CD302: variants seen among roughly 807,000 people sequenced by gnomAD.
CD302 encodes CD302 molecule, also known as CD302 antigen.
In CD302, 23 loss-of-function variants were observed where a neutral mutation model predicts 26.5. The ratio of observed to expected loss-of-function variants is 0.87; its 90% CI spans 0.62 to 1.23. CD302 has a LOEUF of 1.23. Ranked by LOEUF, CD302 falls within the 50% of genes most tolerant of loss-of-function variation. CD302 has a pLI of 0.00. For synonymous variants in CD302, 90 were observed against 99.4 expected (o/e 0.91, Z 0.56); for missense variants, 290 against 275.5 (o/e 1.05, Z -0.37).
intron 1 of CD302, among the ~76,000 whole-genome samples, chr2:159,788,482 G>A (rs1385463124): frequency 2.0e-5 from 3 of 152,184 alleles, no homozygotes; most frequent in African/African-American, 4.8e-5. Flanking sequence ...TACACTCTAC[G>A]ATGTTTGCAC....
At chr2:159,790,313 G>A (rs746163649) in intron 1 of CD302, among the ~76,000 whole-genome samples, 1 of 152,088 alleles carries the variant, frequency 6.6e-6, no homozygotes, top group Non-Finnish European at 1.5e-5. Context: ...ATTTCAAAAA[G>A]TAGGCAATAT....
chr2:159,791,029 T>C (rs1451373535), intron 1 of CD302, among the ~76,000 whole-genome samples: 2 of 152,262 alleles, frequency 1.3e-5, no homozygotes, highest in Non-Finnish European at 2.9e-5. Context: ...TCTGAAGATA[T>C]GATCTCTAAA....
intron 1 of CD302, among the ~76,000 whole-genome samples, chr2:159,786,045 G>A (rs973339366): frequency 6.6e-6 from 1 of 152,118 alleles, no homozygotes; most frequent in Non-Finnish European, 1.5e-5. Flanking sequence ...ACAGTGTCTC[G>A]TACAAGGAAA....
At chr2:159,779,931 T>C (rs1008773049) in intron 4 of CD302, 74 bp downstream of exon 4, 21 of 1,519,960 alleles carry the variant, frequency 1.4e-5, no homozygotes, top group Non-Finnish European at 1.8e-5. Context: ...CACACTTATC[T>C]CAAAATTATT....
In CD302 at chr2:159,777,778, G is replaced by A. The variant is rs146704457; in HGVS notation, c.496+160C>T. 2.9e-3 allele frequency among the ~76,000 whole-genome samples: 435 copies of A among 152,196 alleles called. No homozygotes were observed. The Middle Eastern group carries it at 0.044, about 15-fold the overall frequency. On this transcript the variant is annotated intron_variant, in intron 5 of 5. Transcript: ENST00000259053. The stretch of plus-strand genomic sequence containing the variant: ...ACATATTGTAGAATATATTTAAAAT[G>A]TTGAGTCTTATTACTAAGAGACCTT...
chr2:159,782,414 C>CA (rs72068957), intron 2 of CD302, among the ~76,000 whole-genome samples: 7,591 of 70,624 alleles, frequency 0.11, 782 homozygotes, highest in African/African-American at 0.2. Flanking sequence ...CTCCATCTCA[C>CA]AAAAAAAAAA....
chr2:159,773,722 A>G (rs750513554), intron 5 of CD302, among the ~76,000 whole-genome samples: 1 of 152,234 alleles, frequency 6.6e-6, no homozygotes, highest in Non-Finnish European at 1.5e-5. Context: ...TAAGCAGTGT[A>G]TTAAAACAAT....
intron 2 of CD302, among the ~76,000 whole-genome samples, 188 bp from the exon 3 acceptor site, chr2:159,781,186 A>G (rs1006368031): frequency 5.9e-5 from 9 of 152,208 alleles, no homozygotes; most frequent in African/African-American, 2.2e-4. Flanking sequence ...AGCCTCTAAT[A>G]TGATTTATGT....
intron 5 of CD302, among the ~76,000 whole-genome samples, chr2:159,775,070 CCTT>C (rs1708269625): frequency 1.3e-5 from 2 of 152,170 alleles, no homozygotes; most frequent in Non-Finnish European, 1.5e-5. Flanking sequence ...GCAACACCTC[CCTT>C]CTTGCACTGG....
intron 1 of CD302, among the ~76,000 whole-genome samples, chr2:159,788,835 T>G (rs1030886093): frequency 2.6e-5 from 4 of 152,200 alleles, no homozygotes; most frequent in African/African-American, 9.7e-5. Context: ...AGATGCTACT[T>G]TTGCTCCATT....
rs762361960 is a variant in CD302 at position 159,772,069 on chromosome 2, CA to C, written c.497-17del. The C allele has an allele frequency of 1.2e-6, 2 of 1,612,576 alleles. No homozygotes were observed. Among genetic ancestry groups the C allele is most frequent in the Non-Finnish European group, 1.7e-6 (2 of 1,179,178 alleles). On this transcript the variant is annotated splice_polypyrimidine_tract_variant and intron_variant, in intron 5 of 5. Coordinates refer to ENST00000259053, the MANE Select transcript of CD302 (RefSeq NM_014880.5). The stretch of plus-strand genomic sequence containing the variant: ...ATGTGGTTATCTGAAAAGGAAAAGA[CA>C]AAAGAGTATTTGGGAAATTAGGGTA...
intron 5 of CD302, among the ~76,000 whole-genome samples, chr2:159,777,301 A>C (rs1708364375): frequency 6.6e-6 from 1 of 152,216 alleles, no homozygotes; most frequent in Non-Finnish European, 1.5e-5. Flanking sequence ...TATCAGGTAA[A>C]TGAAAATTAA....
Position 159,769,960 on chromosome 2 carries a change from C to T in CD302, c.*1891G>A, listed in dbSNP as rs1349156187. 4 of 152,118 alleles carry T rather than the reference C, an allele frequency of 2.6e-5. No homozygotes were observed. The highest frequency in any genetic ancestry group is 9.7e-5 in the African/African-American group (4 of 41,420). 9.4% of individuals were successfully genotyped at this position (152,118 alleles called of 1,614,324 possible). Reference sequence around the variant, plus strand: ...TGTAATTCGAAAACTGGATTTTAAACTAAATTTACTTAAATAGCCTCATGT... The same window carrying T: ...TGTAATTCGAAAACTGGATTTTAAATTAAATTTACTTAAATAGCCTCATGT... On this transcript the variant is annotated 3_prime_UTR_variant, in exon 6 of 6. Transcript: ENST00000259053.
At chr2:159,775,907 GGTTTT>G (rs1040724078) in intron 5 of CD302, among the ~76,000 whole-genome samples, 5 of 148,482 alleles carry the variant, frequency 3.4e-5, no homozygotes, top group South Asian at 4.3e-4. Context: ...TTTTTGTGGT[GGTTTT>G]GTTTTGTTTT....
intron 5 of CD302, among the ~76,000 whole-genome samples, chr2:159,776,743 C>T (rs760506712): frequency 2.1e-3 from 285 of 133,646 alleles, no homozygotes; most frequent in Non-Finnish European, 3.5e-3. Context: ...GTCACTCTGT[C>T]GCCGAGGCTG....
chr2:159,782,935 C>T (rs1708561120), intron 2 of CD302, among the ~76,000 whole-genome samples: 1 of 152,164 alleles, frequency 6.6e-6, no homozygotes, highest in East Asian at 1.9e-4. Flanking sequence ...AACTCTAAGC[C>T]TAAAATCCAA....
intron 5 of CD302, among the ~76,000 whole-genome samples, chr2:159,776,045 A>G (rs1433360611): frequency 2.2e-4 from 13 of 59,664 alleles, no homozygotes; most frequent in South Asian, 1.3e-3. Flanking sequence ...TAGAGTCGGG[A>G]TTTCGCCATG....
At chr2:159,792,284 G>A (rs1574502809) in intron 1 of CD302, among the ~76,000 whole-genome samples, 3 of 152,174 alleles carry the variant, frequency 2.0e-5, no homozygotes. Flanking sequence ...CCCCCAGAGT[G>A]AGTGATTCAA....
intron 1 of CD302, among the ~76,000 whole-genome samples, chr2:159,788,216 AC>A: frequency 3.6e-5 from 1 of 27,412 alleles, no homozygotes; most frequent in South Asian, 7.2e-4. Context: ...TTTAAGATGT[AC>A]ATAGTCATGC....
Sources: gnomAD v4.1 joint callset for allele counts (sites outside exome capture counted in the v4.1 genomes callset) on GRCh38, gnomAD v4.1.1 for gene constraint, MANE v1.5 for transcripts, NCBI Gene and HGNC (gene_info 2026-07-23, HGNC 2026-07-21) for gene names.